TOX: variants seen among roughly 807,000 people sequenced by gnomAD.
The protein encoded by TOX is thymocyte selection associated high mobility group box.
Under a neutral mutation model 53.7 loss-of-function variants are expected in TOX, and 11 were observed. That is an observed-to-expected ratio of 0.20 (90% confidence interval 0.13 to 0.34). The LOEUF is 0.34. TOX is among the 10% of genes least tolerant of loss of function. The probability of loss-of-function intolerance (pLI) is 1.00; values close to 1 mark genes in which losing one functional copy is unlikely to be tolerated. For missense variants in TOX, 570 were observed against 664.6 expected (o/e 0.86, Z 1.56); for synonymous variants, 225 against 245.3 (o/e 0.92, Z 0.77).
intron 1 of TOX, among the ~76,000 whole-genome samples, chr8:58,966,455 G>A (rs533447586): frequency 6.6e-6 from 1 of 152,258 alleles, no homozygotes; most frequent in East Asian, 1.9e-4. Context: ...TTGAACTTGA[G>A]TGGTAAACAC....
At chr8:58,972,548 T>C (rs888589939) in intron 1 of TOX, among the ~76,000 whole-genome samples, 4 of 152,212 alleles carry the variant, frequency 2.6e-5, no homozygotes, top group African/African-American at 9.6e-5. Context: ...CATTTTAGTA[T>C]CCATAGCTTA....
chr8:59,016,148 T>G (rs1018370131), intron 1 of TOX, among the ~76,000 whole-genome samples: 1 of 152,170 alleles, frequency 6.6e-6, no homozygotes, highest in Non-Finnish European at 1.5e-5. Context: ...ATAATCAATA[T>G]TTAAATGCCT....
intron 1 of TOX, among the ~76,000 whole-genome samples, chr8:59,031,617 G>A (rs1414351850): frequency 1.3e-5 from 2 of 152,224 alleles, no homozygotes; most frequent in East Asian, 3.8e-4. Context: ...AGCAAAGCAA[G>A]ATGTAAGGAT....
chr8:58,890,731 C>T (rs948044624), intron 3 of TOX, among the ~76,000 whole-genome samples: 1 of 152,068 alleles, frequency 6.6e-6, no homozygotes, highest in African/African-American at 2.4e-5. Context: ...GCAGAAAACC[C>T]TGGACGGGAT....
intron 3 of TOX, among the ~76,000 whole-genome samples, chr8:58,892,547 T>C (rs1811575231): frequency 6.6e-6 from 1 of 152,192 alleles, no homozygotes; most frequent in South Asian, 2.1e-4. Flanking sequence ...AGAATGCATG[T>C]GGCTTTGGGC....
chr8:58,928,692 T>C (rs1812205630), intron 3 of TOX, among the ~76,000 whole-genome samples: 2 of 152,204 alleles, frequency 1.3e-5, no homozygotes, highest in Admixed American at 1.3e-4. Flanking sequence ...CTAATAATTT[T>C]GTCTCTTGAT....
intron 1 of TOX, among the ~76,000 whole-genome samples, chr8:59,092,315 A>C (rs1015636259): frequency 2.7e-5 from 3 of 112,848 alleles, no homozygotes; most frequent in Non-Finnish European, 4.7e-5. Context: ...TATATTATAT[A>C]TACATATATA....
At chr8:58,943,068 A>G (rs1812468051) in intron 2 of TOX, among the ~76,000 whole-genome samples, 1 of 152,204 alleles carries the variant, frequency 6.6e-6, no homozygotes, top group Non-Finnish European at 1.5e-5. Flanking sequence ...CCTTTATTAC[A>G]ATGCAAAAGT....
chr8:59,116,892 T>G (rs1018177552), intron 1 of TOX, among the ~76,000 whole-genome samples: 1 of 152,222 alleles, frequency 6.6e-6, no homozygotes, highest in Non-Finnish European at 1.5e-5. Context: ...CTAAATTAAT[T>G]TATTCAATTC....
At chr8:59,113,421 G>T (rs1459407350) in intron 1 of TOX, among the ~76,000 whole-genome samples, 3 of 152,138 alleles carry the variant, frequency 2.0e-5, no homozygotes, top group Non-Finnish European at 2.9e-5. Flanking sequence ...ATTCAGGTAG[G>T]GGGGATGGGG....
At chr8:58,972,128 A>G (rs1563405312) in intron 1 of TOX, among the ~76,000 whole-genome samples, 1 of 152,178 alleles carries the variant, frequency 6.6e-6, no homozygotes, top group African/African-American at 2.4e-5. Flanking sequence ...CATTATATGT[A>G]TATATATATG....
intron 1 of TOX, among the ~76,000 whole-genome samples, chr8:59,089,780 T>G (rs1260471670): frequency 6.6e-6 from 1 of 152,234 alleles, no homozygotes; most frequent in African/African-American, 2.4e-5. Flanking sequence ...GAGATGATCC[T>G]TATTATGTTG....
intron 1 of TOX, among the ~76,000 whole-genome samples, chr8:59,047,801 G>A (rs1046464627): frequency 1.3e-5 from 2 of 152,044 alleles, no homozygotes; most frequent in Non-Finnish European, 2.9e-5. Flanking sequence ...AAACATCACA[G>A]AATTCAATTA....
intron 1 of TOX, among the ~76,000 whole-genome samples, chr8:59,105,423 C>T (rs186383239): frequency 6.4e-4 from 97 of 151,934 alleles, no homozygotes; most frequent in Middle Eastern, 3.4e-3. Context: ...ACAAAATAGT[C>T]TTCCATAACA....
At chr8:59,085,118 C>A (rs1804483091) in intron 1 of TOX, among the ~76,000 whole-genome samples, 4 of 152,166 alleles carry the variant, frequency 2.6e-5, no homozygotes, top group Admixed American at 2.6e-4. Flanking sequence ...TACACTATAG[C>A]ACTTACCAAA....
chr8:58,868,621 C>T (rs973033388), intron 3 of TOX, among the ~76,000 whole-genome samples: 2 of 151,920 alleles, frequency 1.3e-5, no homozygotes, highest in African/African-American at 2.4e-5. Flanking sequence ...ATATGAATAA[C>T]TTAAGAAAGA....
chr8:59,014,599 T>G (rs1441987039), intron 1 of TOX, among the ~76,000 whole-genome samples: 1 of 152,340 alleles, frequency 6.6e-6, no homozygotes, highest in East Asian at 1.9e-4. Flanking sequence ...AAAAATATAC[T>G]GAGGAAAATG....
chr8:59,092,591 C>A (rs1026968518), intron 1 of TOX, among the ~76,000 whole-genome samples: 1 of 151,656 alleles, frequency 6.6e-6, no homozygotes, highest in South Asian at 2.1e-4. Flanking sequence ...AGCTCTTTAA[C>A]GTAACTCAAG....
At chr8:59,075,025 A>G (rs1804267190) in intron 1 of TOX, among the ~76,000 whole-genome samples, 1 of 152,244 alleles carries the variant, frequency 6.6e-6, no homozygotes, top group Admixed American at 6.5e-5. Context: ...TGAGATGGTA[A>G]TGGTGAAAAT....
Sources: allele counts gnomAD v4.1 joint callset (sites outside exome capture counted in the v4.1 genomes callset), GRCh38; gene constraint gnomAD v4.1.1; transcripts MANE v1.5; gene names NCBI Gene and HGNC (gene_info 2026-07-23, HGNC 2026-07-21).